The following NOTCH2 variants were observed in gnomAD, a reference collection of about 807,000 sequenced individuals.
NOTCH2 encodes neurogenic locus notch homolog protein 2.
A neutral mutation model predicts 235.8 loss-of-function variants in NOTCH2; 29 were observed. That is an observed-to-expected ratio of 0.12 (90% CI 0.09 to 0.17). NOTCH2 has a LOEUF of 0.17. Among genes scored for constraint, NOTCH2 ranks in the 10% least tolerant of loss-of-function variants. NOTCH2 has a pLI of 1.00. For missense variants in NOTCH2, 2,285 were observed against 3,150.2 expected, an observed-to-expected ratio of 0.73 and a Z score of 6.57; for synonymous variants, 1,086 against 1,141.5, an observed-to-expected ratio of 0.95 and a Z score of 0.98.
intron 1 of NOTCH2, chr1:120,069,004 C>G (rs1553217691): frequency 7.8e-7 from 1 of 1,287,628 alleles, no homozygotes; most frequent in African/African-American, 1.6e-5. Context: ...AACGCGGAAC[C>G]TGAAGGGCAA....
intron 5 of NOTCH2, among the ~76,000 whole-genome samples, chr1:119,985,174 T>C (rs1421536521): frequency 3.3e-5 from 5 of 152,100 alleles, no homozygotes; most frequent in Non-Finnish European, 7.4e-5. Context: ...CTGTTGATGA[T>C]GGGCAGGGCA....
Position 119,925,638 on chromosome 1 carries a change from C to A in NOTCH2, c.4178G>T (p.Arg1393Leu). 6.2e-7 allele frequency: 1 copy of A among 1,613,038 alleles called. No individual in the cohort carries two copies. Among genetic ancestry groups the A allele is most frequent in the Non-Finnish European group, 8.5e-7 (1 of 1,179,156 alleles). Reference sequence around the variant, plus strand: ...CTGGCAGGAGTAATAAGGAGGCTGGCGCTGAGGGTGGCAGCTGCCCCCGTG... The same window carrying A: ...CTGGCAGGAGTAATAAGGAGGCTGGAGCTGAGGGTGGCAGCTGCCCCCGTG... ...CQHGGSCHPQ[R>L]QPPYYSCQCA... The change falls in exon 25 of 34, where the codon CGC becomes CTC. Residue 1393 changes from arginine to leucine, a missense_variant. Physicochemically the swap from Arg to Leu is moderately radical, Grantham distance 102. This residue lies in a region of NOTCH2 where 1,173 missense variants were observed against 1,515.3 expected (regional missense o/e 0.77). Transcript: ENST00000256646.
At chr1:120,067,138 G>C (rs1376916055) in intron 1 of NOTCH2, among the ~76,000 whole-genome samples, 24 of 152,182 alleles carry the variant, frequency 1.6e-4, no homozygotes, top group Admixed American at 7.8e-4. Flanking sequence ...GTTTAGAAGG[G>C]TGTGCTGCAA....
At chr1:120,062,883 C>T (rs1655361641) in intron 1 of NOTCH2, among the ~76,000 whole-genome samples, 1 of 152,188 alleles carries the variant, frequency 6.6e-6, no homozygotes, top group Non-Finnish European at 1.5e-5. Context: ...CTTTGCTTTT[C>T]TTATTCCAAG....
chr1:119,965,391 A>T, intron 10 of NOTCH2, 62 bp downstream of exon 10: 1 of 1,244,630 alleles, frequency 8.0e-7, no homozygotes, highest in South Asian at 1.2e-5. Context: ...GAGGACAGGG[A>T]CAATCACCCT....
intron 2 of NOTCH2, among the ~76,000 whole-genome samples, chr1:120,008,623 GAA>G (rs1444982219): frequency 2.3e-4 from 30 of 128,216 alleles, no homozygotes; most frequent in Non-Finnish European, 1.5e-4. Flanking sequence ...GCACTTTACA[GAA>G]AAAGTTTGCC....
rs1483666433 is a variant in NOTCH2, at chr1:119,922,535, C to T, written c.5003-89G>A. 10 of 1,600,920 alleles carry T rather than the reference C, an allele frequency of 6.2e-6. No individual in the cohort carries two copies. The Admixed American group carries it at 1.7e-4, about 27-fold the overall frequency. The stretch of plus-strand genomic sequence containing the variant: ...GATTCATTTAGAGGGCAACTTTGAC[C>T]TCAACAGTCCTGAAAAAATAGAGGG... On this transcript the variant is annotated intron_variant, in intron 27 of 33. Transcript: ENST00000256646.
intron 3 of NOTCH2, among the ~76,000 whole-genome samples, chr1:120,000,253 C>A (rs200066124): frequency 6.6e-6 from 1 of 151,690 alleles, no homozygotes; most frequent in Admixed American, 6.6e-5. Flanking sequence ...TGATCAGAAT[C>A]GGCCGGGTGT....
At position 119,986,975 on chromosome 1, in the gene NOTCH2, G is replaced by A. The variant is rs372964061; in HGVS notation, c.859C>T (p.Pro287Ser). ...CTGTACATACCTGTCCATTGTGGGG[G>A]ACAGCGGCAGTTGTAAGTGTTGACC... Reference protein sequence around the residue: ...DGVNTYNCRCPPQWTGQFCTE... With the variant: ...DGVNTYNCRCSPQWTGQFCTE... The change falls in exon 5 of 34, where the codon CCC becomes TCC. Residue 287 changes from proline to serine, a missense_variant. By Grantham distance (74) the Pro-to-Ser change is moderately conservative. Coordinates refer to ENST00000256646, the MANE Select transcript of NOTCH2 (RefSeq NM_024408.4). The A allele has an allele frequency of 2.5e-6, 4 of 1,613,620 alleles. No homozygotes were observed. Among genetic ancestry groups the A allele is most frequent in the Middle Eastern group, 1.7e-4 (1 of 6,058 alleles).
At chr1:119,920,196 C>A (rs761726069) in intron 30 of NOTCH2, 33 bp downstream of exon 30, 2 of 1,612,586 alleles carry the variant, frequency 1.2e-6, no homozygotes, top group Non-Finnish European at 1.7e-6. Context: ...GCAGACACAG[C>A]CCAGTGAAGA....
At chr1:119,922,839 G>A (rs935945419) in intron 26 of NOTCH2, 61 bp from the exon 27 acceptor site, 1 of 1,604,660 alleles carries the variant, frequency 6.2e-7, no homozygotes, top group Non-Finnish European at 8.5e-7. Flanking sequence ...AAGAGTGCAG[G>A]TCAGGCAGAA....
At position 119,948,993 on chromosome 1, in the gene NOTCH2, A is replaced by G. The variant is rs1553197393; in HGVS notation, c.2599+14T>C. ...GAATGCATGTTCTTGGCTTCTCCAC[A>G]CCCATGTTCTTACCTTGCCAGCCAG... On this transcript the variant is annotated intron_variant, in intron 16 of 33. Transcript: ENST00000256646. 1 of 1,614,072 alleles carries G rather than the reference A, an allele frequency of 6.2e-7. No individual in the cohort carries two copies.
chr1:119,926,231 T>C (rs1649467035), intron 24 of NOTCH2, among the ~76,000 whole-genome samples: 1 of 152,260 alleles, frequency 6.6e-6, no homozygotes, highest in Non-Finnish European at 1.5e-5. Flanking sequence ...TTTGTGGTTT[T>C]CCCTTAGTTT....
chr1:119,929,494 C>T (rs921028844), intron 22 of NOTCH2, among the ~76,000 whole-genome samples: 1 of 152,184 alleles, frequency 6.6e-6, no homozygotes, highest in Admixed American at 6.5e-5. Flanking sequence ...TATTATTTGT[C>T]CCATCTCAAA....
At chr1:119,917,541 TG>T in intron 33 of NOTCH2, 123 bp downstream of exon 33, 2 of 767,848 alleles carry the variant, frequency 2.6e-6, no homozygotes, top group East Asian at 4.9e-5. Flanking sequence ...ACCCAGTGTC[TG>T]CCCAAACTGC....
chr1:119,949,669 G>A (rs1557817787), intron 15 of NOTCH2, among the ~76,000 whole-genome samples: 1 of 152,146 alleles, frequency 6.6e-6, no homozygotes, highest in African/African-American at 2.4e-5. Context: ...TACAGGGTGA[G>A]CCACCGTGCC....
At chr1:119,926,654 A>AG in intron 23 of NOTCH2, 43 bp from the exon 24 acceptor site, 1 of 1,479,164 alleles carries the variant, frequency 6.8e-7, no homozygotes, top group South Asian at 1.2e-5. Flanking sequence ...AGGCAGAAGT[A>AG]GTCACTGCAA....
chr1:119,966,577 T>A lies in NOTCH2; in HGVS notation c.1454-88A>T, dbSNP rs888243693. The A allele has an allele frequency of 6.1e-5, 54 of 880,600 alleles. No homozygotes were observed. In the Admixed American group the frequency reaches 9.2e-4, roughly 15 times the overall value. 54.5% of individuals were successfully genotyped at this position (880,600 alleles called of 1,614,324 possible). On this transcript the variant is annotated intron_variant, in intron 8 of 33. Transcript: ENST00000256646. ...GCACAAATTTGCAATGATAACTACA[T>A]CCTTTGCGAGTACACACATTTCTGC...
intron 2 of NOTCH2, among the ~76,000 whole-genome samples, chr1:120,025,525 C>A (rs1653807698): frequency 7.1e-6 from 1 of 140,926 alleles, no homozygotes; most frequent in Non-Finnish European, 1.5e-5. Context: ...TCAAGATGAT[C>A]TGCCAATCTT....
Sources: allele counts gnomAD v4.1 joint callset (sites outside exome capture counted in the v4.1 genomes callset), GRCh38; gene constraint gnomAD v4.1.1; regional missense constraint gnomAD v4.1.1; transcripts MANE v1.5; gene names NCBI Gene and HGNC (gene_info 2026-07-23, HGNC 2026-07-21).